ARHGAP10: variants seen among roughly 807,000 people sequenced by gnomAD.
ARHGAP10 encodes the protein rho GTPase-activating protein 10.
A neutral mutation model predicts 108.6 loss-of-function variants in ARHGAP10; 87 were observed. The ratio of observed to expected loss-of-function variants is 0.80; its 90% CI spans 0.67 to 0.96. The LOEUF is 0.96. ARHGAP10 is among the 40% of genes least tolerant of loss of function. The probability of loss-of-function intolerance (pLI) is 0.00; values close to 1 mark genes in which losing one functional copy is unlikely to be tolerated. For missense variants in ARHGAP10, 939 were observed against 954.5 expected (o/e 0.98, Z 0.21); for synonymous variants, 347 against 341.1 (o/e 1.02, Z -0.19).
intron 3 of ARHGAP10, among the ~76,000 whole-genome samples, chr4:147,836,102 A>T (rs1413837558): frequency 1.3e-5 from 2 of 152,226 alleles, no homozygotes; most frequent in Admixed American, 6.5e-5. Flanking sequence ...AATTTCTGCT[A>T]TCTTTTTTCA....
intron 4 of ARHGAP10, among the ~76,000 whole-genome samples, chr4:147,852,394 C>T (rs1579117116): frequency 1.3e-5 from 2 of 152,128 alleles, no homozygotes; most frequent in South Asian, 4.1e-4. Flanking sequence ...TTCAAGTGCT[C>T]CATTCTGTGA....
chr4:147,986,291 G>C (rs997544441), intron 18 of ARHGAP10, among the ~76,000 whole-genome samples: 1 of 152,310 alleles, frequency 6.6e-6, no homozygotes, highest in Admixed American at 6.5e-5. Flanking sequence ...TGAAGCTCAT[G>C]GAGGGTCATC....
intron 1 of ARHGAP10, among the ~76,000 whole-genome samples, chr4:147,741,707 A>G (rs1282865371): frequency 6.6e-6 from 1 of 152,022 alleles, no homozygotes; most frequent in African/African-American, 2.4e-5. Context: ...ACACACACAC[A>G]CAGAGAAAAA....
intron 7 of ARHGAP10, among the ~76,000 whole-genome samples, chr4:147,872,195 C>T (rs533795398): frequency 1.3e-5 from 2 of 150,430 alleles, no homozygotes; most frequent in South Asian, 2.1e-4. Context: ...CTCATGGAGG[C>T]GTCTGCGGCA....
Position 147,793,234 on chromosome 4 carries a change from GTATA to G in ARHGAP10, c.155-29487_155-29484del, listed in dbSNP as rs57021076. On this transcript the variant is annotated intron_variant, in intron 1 of 22. Coordinates refer to ENST00000336498, the MANE Select transcript of ARHGAP10 (RefSeq NM_024605.4). ...TGTATATATGTATATATGTGTGTGT[GTATA>G]TATATGTATGGTAGGTGTTTCAGTT... Among the ~76,000 whole-genome samples the G allele has an allele frequency of 4.9e-3, 743 of 151,556 alleles. 14 individuals carry two copies. Among genetic ancestry groups the G allele is most frequent in the African/African-American group, 0.017 (704 of 41,284 alleles).
At chr4:148,005,866 T>TA (rs1380702562) in intron 18 of ARHGAP10, among the ~76,000 whole-genome samples, 1 of 152,250 alleles carries the variant, frequency 6.6e-6, no homozygotes, top group Non-Finnish European at 1.5e-5. Flanking sequence ...ATGTTGAAGT[T>TA]ACTTTGGGAA....
intron 3 of ARHGAP10, among the ~76,000 whole-genome samples, chr4:147,834,333 G>C (rs1186698463): frequency 2.0e-5 from 3 of 152,098 alleles, no homozygotes; most frequent in Non-Finnish European, 4.4e-5. Context: ...AGGTGTGGTG[G>C]TGGCACGCAT....
chr4:147,784,689 T>TATA lies in ARHGAP10; in HGVS notation c.155-38037_155-38035dup, dbSNP rs1560756557. 1.5e-3 allele frequency among the ~76,000 whole-genome samples: 115 copies of TATA among 76,038 alleles called. 25 individuals carry two copies. The highest frequency in any genetic ancestry group is 2.6e-3 in the African/African-American group (50 of 19,548). The allele number at this position is 76,038 out of a possible 152,430, so 49.9% of individuals were successfully genotyped here. A position where few individuals can be genotyped will look rare whatever the true frequency, so the allele number is the denominator to read the frequency against. The stretch of plus-strand genomic sequence containing the variant: ...TATATTATATATTATAAATATAAAA[T>TATA]ATATATTATAAAATATATATTATAA... On this transcript the variant is annotated intron_variant, in intron 1 of 22. Coordinates refer to ENST00000336498, the MANE Select transcript of ARHGAP10 (RefSeq NM_024605.4).
At chr4:147,733,519 C>A (rs181637981) in intron 1 of ARHGAP10, among the ~76,000 whole-genome samples, 94 of 152,262 alleles carry the variant, frequency 6.2e-4, no homozygotes, top group African/African-American at 2.1e-3. Flanking sequence ...CACCTAGATT[C>A]TCAGTTCAGT....
intron 1 of ARHGAP10, among the ~76,000 whole-genome samples, chr4:147,766,102 G>T (rs1560746239): frequency 4.1e-4 from 63 of 152,048 alleles, no homozygotes; most frequent in Admixed American, 4.1e-3. Flanking sequence ...CCAACATGGT[G>T]AAACCCTGTC....
intron 7 of ARHGAP10, among the ~76,000 whole-genome samples, chr4:147,868,301 A>C (rs1366776909): frequency 6.6e-6 from 1 of 151,980 alleles, no homozygotes; most frequent in African/African-American, 2.4e-5. Flanking sequence ...CAGTGGCACA[A>C]CCACTGCTCA....
chr4:147,981,287 G>T (rs1739797707), intron 18 of ARHGAP10, among the ~76,000 whole-genome samples: 2 of 152,122 alleles, frequency 1.3e-5, no homozygotes, highest in African/African-American at 2.4e-5. Flanking sequence ...AGAAGTTTTT[G>T]ATTTCTGCAT....
chr4:147,740,686 A>G (rs1242635110), intron 1 of ARHGAP10, among the ~76,000 whole-genome samples: 1 of 152,058 alleles, frequency 6.6e-6, no homozygotes, highest in Non-Finnish European at 1.5e-5. Flanking sequence ...CTCAATCTCC[A>G]CCTTCCTCTT....
Position 148,072,403 on chromosome 4 carries a change from T to A in ARHGAP10, c.*322T>A. On this transcript the variant is annotated 3_prime_UTR_variant, in exon 23 of 23. Coordinates refer to ENST00000336498, the MANE Select transcript of ARHGAP10 (RefSeq NM_024605.4). ...GCAGCCTTCTGCCACCTGTGTCGCC[T>A]CCACTGGCAGTCACGCCACCAGAGC... is the stretch of plus-strand genomic sequence containing the variant. 1 of 288,368 alleles carries A rather than the reference T, an allele frequency of 3.5e-6. No homozygotes were observed. Among genetic ancestry groups the A allele is most frequent in the Non-Finnish European group, 6.4e-6 (1 of 155,774 alleles). The allele number at this position is 288,368 out of a possible 1,614,324, so 17.9% of individuals were successfully genotyped here.
In ARHGAP10 at chr4:148,023,342, A is replaced by C; in HGVS notation, c.1796A>C (p.Gln599Pro). 6.2e-7 allele frequency: 1 copy of C among 1,614,234 alleles called. No individual in the cohort carries two copies. Among genetic ancestry groups the C allele is most frequent in the Non-Finnish European group, 8.5e-7 (1 of 1,180,028 alleles). The change falls in exon 19 of 23, where the codon CAG (glutamine) becomes CCG (proline). Residue 599 changes from glutamine (Q) to proline (P), a missense_variant. Coordinates refer to ENST00000336498, the MANE Select transcript of ARHGAP10 (RefSeq NM_024605.4). Reference sequence around the variant, plus strand: ...TCACCCCCAAATGCGCCACCAAGGCAGTCGAAGAGACAAGGCCAGAGAACC... The same window carrying C: ...TCACCCCCAAATGCGCCACCAAGGCCGTCGAAGAGACAAGGCCAGAGAACC... Reference protein sequence around the residue: ...SASPPNAPPRQSKRQGQRTKR... With the variant: ...SASPPNAPPRPSKRQGQRTKR...
At chr4:148,007,061 C>T (rs996619674) in intron 18 of ARHGAP10, among the ~76,000 whole-genome samples, 1 of 152,076 alleles carries the variant, frequency 6.6e-6, no homozygotes, top group South Asian at 2.1e-4. Context: ...TGGGAGTTAG[C>T]GCACTTCAAG....
At chr4:148,046,434 T>G (rs1728887337) in intron 19 of ARHGAP10, among the ~76,000 whole-genome samples, 1 of 152,216 alleles carries the variant, frequency 6.6e-6, no homozygotes, top group Non-Finnish European at 1.5e-5. Flanking sequence ...ACCAGCTCAG[T>G]AAGACAAGTC....
chr4:147,782,131 A>G (rs1468662730), intron 1 of ARHGAP10, among the ~76,000 whole-genome samples: 3 of 152,338 alleles, frequency 2.0e-5, no homozygotes, highest in East Asian at 1.9e-4. Flanking sequence ...CCACATTGCC[A>G]TAAGGTGAAT....
chr4:148,020,226 G>A (rs1459857664), intron 18 of ARHGAP10, among the ~76,000 whole-genome samples: 1 of 152,140 alleles, frequency 6.6e-6, no homozygotes. Flanking sequence ...TCAGGGCTTG[G>A]CAAGGTTCAA....
Sources: allele counts gnomAD v4.1 joint callset (sites outside exome capture counted in the v4.1 genomes callset), GRCh38; gene constraint gnomAD v4.1.1; transcripts MANE v1.5; gene names NCBI Gene and HGNC (gene_info 2026-07-23, HGNC 2026-07-21).